Variants in OSBPL1A observed in about 807,000 individuals in gnomAD.
OSBPL1A encodes the protein oxysterol binding protein like 1A.
OSBPL1A carries 80 observed loss-of-function variants against 137.1 expected under a neutral mutation model. That is an observed-to-expected ratio of 0.58 (90% CI 0.49 to 0.70). The LOEUF (loss-of-function observed/expected upper bound fraction) is 0.70, where lower values mean the gene tolerates loss of function less well. Among genes scored for constraint, OSBPL1A ranks in the 30% least tolerant of loss-of-function variants. OSBPL1A has a pLI of 0.00. For missense variants in OSBPL1A, 970 were observed against 1,129.4 expected (o/e 0.86, Z 2.02); for synonymous variants, 365 against 389.7 (o/e 0.94, Z 0.75).
chr18:24,231,965 T>A (rs1258595901), intron 16 of OSBPL1A, among the ~76,000 whole-genome samples: 1 of 152,186 alleles, frequency 6.6e-6, no homozygotes, highest in African/African-American at 2.4e-5. Context: ...GGGGAAGAAC[T>A]GTGGATAATG....
At chr18:24,389,511 C>A (rs978389272) in intron 1 of OSBPL1A, among the ~76,000 whole-genome samples, 16 of 152,262 alleles carry the variant, frequency 1.1e-4, no homozygotes, top group Non-Finnish European at 2.1e-4. Context: ...AGTTCTATGG[C>A]CCCAACAGTT....
At chr18:24,241,507 GC>G (rs1484117657) in intron 15 of OSBPL1A, among the ~76,000 whole-genome samples, 15 of 152,190 alleles carry the variant, frequency 9.9e-5, no homozygotes, top group Admixed American at 9.8e-4. Flanking sequence ...CGTTTATGCA[GC>G]CAACAAACAT....
chr18:24,330,441 A>G (rs1049832808), intron 7 of OSBPL1A, among the ~76,000 whole-genome samples: 3 of 152,236 alleles, frequency 2.0e-5, no homozygotes, highest in Non-Finnish European at 4.4e-5. Flanking sequence ...ATAAAAAGAC[A>G]ATAATGGTAA....
In OSBPL1A at chr18:24,367,009, G is replaced by A. The variant is rs756578629; in HGVS notation, c.208-43C>T. ...TTTAAATACCAAGAAATATACAATGGTGAAAATCATTCCTTCAAAATATAT... is the reference window on the plus strand; with the variant it reads ...TTTAAATACCAAGAAATATACAATGATGAAAATCATTCCTTCAAAATATAT... On this transcript the variant is annotated intron_variant, in intron 3 of 27. Transcript: ENST00000319481. The A allele has an allele frequency of 4.7e-6, 7 of 1,500,322 alleles. No homozygotes were observed. In the African/African-American group the frequency reaches 8.4e-5, roughly 18 times the overall value. The allele number at this position is 1,500,322 out of a possible 1,614,324, so 92.9% of individuals were successfully genotyped here. A position where few individuals can be genotyped will look rare whatever the true frequency, so the allele number is the denominator to read the frequency against.
At chr18:24,314,382 T>G in intron 11 of OSBPL1A, 35 bp from the exon 12 acceptor site, 1 of 1,462,250 alleles carries the variant, frequency 6.8e-7, no homozygotes, top group Non-Finnish European at 9.4e-7. Context: ...ACAACATTCA[T>G]TCACATAAAA....
chr18:24,230,963 AC>A (rs1427933633), intron 16 of OSBPL1A, among the ~76,000 whole-genome samples: 1 of 152,082 alleles, frequency 6.6e-6, no homozygotes, highest in Non-Finnish European at 1.5e-5. Flanking sequence ...TTATAGGGAA[AC>A]CATCAAGCCA....
intron 2 of OSBPL1A, among the ~76,000 whole-genome samples, chr18:24,371,436 C>T (rs1403467672): frequency 6.6e-6 from 1 of 152,158 alleles, no homozygotes; most frequent in Admixed American, 6.5e-5. Flanking sequence ...ACCATCCCAC[C>T]TATATCTACA....
intron 15 of OSBPL1A, among the ~76,000 whole-genome samples, chr18:24,267,896 T>C (rs1445661750): frequency 6.6e-6 from 1 of 151,644 alleles, no homozygotes; most frequent in Non-Finnish European, 1.5e-5. Flanking sequence ...CATCTCAGCT[T>C]CTATGCAACA....
At chr18:24,190,344 CT>C (rs1174545395) in intron 18 of OSBPL1A, among the ~76,000 whole-genome samples, 1 of 74,356 alleles carries the variant, frequency 1.3e-5, no homozygotes, top group Non-Finnish European at 2.3e-5. Flanking sequence ...CCCTCTGCTA[CT>C]GAAAAAAAAA....
chr18:24,172,275 T>C (rs2086307406), intron 22 of OSBPL1A, 101 bp downstream of exon 22: 1 of 879,920 alleles, frequency 1.1e-6, no homozygotes, highest in African/African-American at 1.7e-5. Context: ...CAGCCTGTTC[T>C]AGAGCTTTTC....
rs1179335431 is a variant in OSBPL1A, at chr18:24,341,978, A to G, written c.283-320T>C. On this transcript the variant is annotated intron_variant, in intron 4 of 27. Coordinates refer to ENST00000319481, the MANE Select transcript of OSBPL1A (RefSeq NM_080597.4). ...AGTAAACAAAGCCAATATTCAAATTAGAGAAGGAAGTACATTCACTGAAGA... is the reference window on the plus strand; with the variant it reads ...AGTAAACAAAGCCAATATTCAAATTGGAGAAGGAAGTACATTCACTGAAGA... Among the ~76,000 whole-genome samples the G allele has an allele frequency of 7.2e-5, 11 of 152,356 alleles. No homozygotes were observed. The Middle Eastern group carries it at 0.014, about 188-fold the overall frequency.
intron 16 of OSBPL1A, among the ~76,000 whole-genome samples, chr18:24,236,179 A>G (rs1215656989): frequency 6.6e-6 from 1 of 152,242 alleles, no homozygotes; most frequent in Non-Finnish European, 1.5e-5. Context: ...GATCTATTGC[A>G]GTAGCAATAG....
chr18:24,316,221 A>T (rs1393273395), intron 11 of OSBPL1A, among the ~76,000 whole-genome samples: 1 of 152,080 alleles, frequency 6.6e-6, no homozygotes, highest in African/African-American at 2.4e-5. Context: ...AGATCGTGCC[A>T]CTGCCCTCCA....
chr18:24,277,484 A>G (rs2146068905), intron 15 of OSBPL1A, among the ~76,000 whole-genome samples: 1 of 152,246 alleles, frequency 6.6e-6, no homozygotes, highest in African/African-American at 2.4e-5. Flanking sequence ...TACCAATATG[A>G]TCGCATTTAC....
At chr18:24,241,099 T>G (rs1226795211) in intron 15 of OSBPL1A, among the ~76,000 whole-genome samples, 3 of 152,246 alleles carry the variant, frequency 2.0e-5, no homozygotes, top group South Asian at 4.1e-4. Context: ...CTGGACCCCT[T>G]CCTTACACCT....
intron 4 of OSBPL1A, among the ~76,000 whole-genome samples, chr18:24,342,016 G>T (rs1349812452): frequency 6.6e-6 from 1 of 152,068 alleles, no homozygotes; most frequent in Non-Finnish European, 1.5e-5. Flanking sequence ...ATTCCTCTAA[G>T]GCCTGTTGAG....
At position 24,178,061 on chromosome 18, in the gene OSBPL1A, T is replaced by C. The variant is rs1292763028; in HGVS notation, c.2045A>G (p.Lys682Arg). 1 of 1,614,048 alleles carries C rather than the reference T, an allele frequency of 6.2e-7. No homozygotes were observed. The change falls in exon 21 of 28, where the codon AAG becomes AGG. Residue 682 changes from lysine (K) to arginine (R), a missense_variant. Physicochemically the swap from Lys to Arg is conservative, Grantham distance 26. This residue lies in a region of OSBPL1A where 323 missense variants were observed against 456.8 expected (regional missense o/e 0.71). Coordinates refer to ENST00000319481, the MANE Select transcript of OSBPL1A (RefSeq NM_080597.4). ...SIYPKLKFWG[K>R]SVEAEPKGTI... Reference sequence around the variant, plus strand: ...TCCTTTGGGTTCTGCTTCTACACTCTTCCCCCAGAATTTCAGTTTGGGATA... The same window carrying C: ...TCCTTTGGGTTCTGCTTCTACACTCCTCCCCCAGAATTTCAGTTTGGGATA...
rs1342492881 is a variant in OSBPL1A at position 24,178,109 on chromosome 18, T to G, written c.1997A>C (p.Asp666Ala). 4 of 1,613,030 alleles carry G rather than the reference T, an allele frequency of 2.5e-6. No individual in the cohort carries two copies. The highest frequency in any genetic ancestry group is 1.3e-5 in the African/African-American group (1 of 74,682). ...SAFHAEGLNNDFIFHGSIYPK... is the reference protein window; with the variant it reads ...SAFHAEGLNNAFIFHGSIYPK... Reference sequence around the variant, plus strand: ...ATAGATAGAGCCATGAAAGATGAAGTCATTGTTTAATCCTTCAGCATGAAA... The same window carrying G: ...ATAGATAGAGCCATGAAAGATGAAGGCATTGTTTAATCCTTCAGCATGAAA... The change falls in exon 21 of 28, where the codon GAC becomes GCC. Residue 666 changes from aspartate (D) to alanine (A), a missense_variant. Asp to Ala is a moderately radical substitution (Grantham distance 126). Coordinates refer to ENST00000319481, the MANE Select transcript of OSBPL1A (RefSeq NM_080597.4).
intron 15 of OSBPL1A, chr18:24,272,253 T>C: frequency 1.0e-6 from 1 of 982,454 alleles, no homozygotes; most frequent in Non-Finnish European, 1.2e-6. Context: ...TTTTTCTTTT[T>C]TCTTTTTTTT....
Sources: allele counts gnomAD v4.1 joint callset (sites outside exome capture counted in the v4.1 genomes callset), GRCh38; gene constraint gnomAD v4.1.1; regional missense constraint gnomAD v4.1.1; transcripts MANE v1.5; gene names NCBI Gene and HGNC (gene_info 2026-07-23, HGNC 2026-07-21).